IL16: variants seen among roughly 807,000 people sequenced by gnomAD.
IL16 encodes the protein interleukin 16, also known as pro-interleukin-16.
IL16 carries 67 observed loss-of-function variants against 110.1 expected under a neutral mutation model. That is an observed-to-expected ratio of 0.61 (90% CI 0.50 to 0.75). IL16 has a LOEUF of 0.75. Among genes scored for constraint, IL16 ranks in the 30% least tolerant of loss-of-function variants. The pLI is 0.00. For synonymous variants in IL16, 689 were observed against 662.9 expected (o/e 1.04, Z -0.61); for missense variants, 1,545 against 1,655.0 (o/e 0.93, Z 1.15).
At chr15:81,274,074 C>T (rs1449425617) in intron 6 of IL16, among the ~76,000 whole-genome samples, 2 of 152,170 alleles carry the variant, frequency 1.3e-5, no homozygotes, top group Non-Finnish European at 2.9e-5. Flanking sequence ...AAGGACTGGG[C>T]CATACACCAG....
chr15:81,192,837 AG>A (rs1262627375), upstream of IL16, among the ~76,000 whole-genome samples: 2 of 152,324 alleles, frequency 1.3e-5, no homozygotes, highest in East Asian at 3.9e-4. Context: ...AGAAGCGGAA[AG>A]AAAGTGGGAT....
chr15:81,290,827 A>G (rs1196270943), intron 11 of IL16, among the ~76,000 whole-genome samples: 1 of 152,172 alleles, frequency 6.6e-6, no homozygotes. Context: ...TTTATCCTGT[A>G]CCAAGTTGCC....
At chr15:81,305,864 G>C in intron 16 of IL16, 44 bp from the exon 17 acceptor site, 1 of 1,603,140 alleles carries the variant, frequency 6.2e-7, no homozygotes, top group African/African-American at 1.3e-5. Flanking sequence ...TATGTGGACT[G>C]GACTTGTGTG....
chr15:81,287,002 TG>T, intron 10 of IL16, among the ~76,000 whole-genome samples: 1 of 152,260 alleles, frequency 6.6e-6, no homozygotes, highest in South Asian at 2.1e-4. Context: ...GAGAACAGAA[TG>T]GGGGAAACTG....
intron 2 of IL16, among the ~76,000 whole-genome samples, chr15:81,226,773 A>G (rs1452737196): frequency 6.6e-6 from 1 of 152,216 alleles, no homozygotes. Flanking sequence ...AGGAGAAGCC[A>G]TCAGCCCAGT....
At chr15:81,204,045 G>T (rs1186243735) in intron 1 of IL16, among the ~76,000 whole-genome samples, 11 of 151,112 alleles carry the variant, frequency 7.3e-5, no homozygotes, top group African/African-American at 2.7e-4. Context: ...CACATCCCTT[G>T]TAAGTTGGAT....
At chr15:81,213,094 A>C (rs1436366509) in intron 1 of IL16, among the ~76,000 whole-genome samples, 1 of 152,132 alleles carries the variant, frequency 6.6e-6, no homozygotes, top group African/African-American at 2.4e-5. Flanking sequence ...CCCTATTTTC[A>C]TTAATTTAAA....
chr15:81,186,464 C>A (rs1219654094), intron 1 of IL16, among the ~76,000 whole-genome samples: 1 of 152,154 alleles, frequency 6.6e-6, no homozygotes, highest in East Asian at 1.9e-4. Context: ...TCTACATATC[C>A]ATACTGCTCA....
intron 3 of IL16, among the ~76,000 whole-genome samples, chr15:81,261,267 A>G (rs1280503424): frequency 1.3e-5 from 2 of 152,234 alleles, no homozygotes; most frequent in African/African-American, 4.8e-5. Context: ...GGATTCTTCA[A>G]TCACAGGGCC....
chr15:81,232,070 T>G (rs888901951), intron 2 of IL16, among the ~76,000 whole-genome samples: 1 of 142,296 alleles, frequency 7.0e-6, no homozygotes, highest in Non-Finnish European at 1.5e-5. Context: ...TTTTTTTCTT[T>G]TTTTTTTCAC....
At chr15:81,225,829 G>T in intron 2 of IL16, 118 bp downstream of exon 2, 1 of 1,027,120 alleles carries the variant, frequency 9.7e-7, no homozygotes. Context: ...AATTCTGAAA[G>T]AGAGCAAGAA....
Position 81,303,497 on chromosome 15 carries a change from T to C in IL16, c.3319-52T>C, listed in dbSNP as rs1900396942. On this transcript the variant is annotated intron_variant, in intron 15 of 18. Coordinates refer to ENST00000683961, the MANE Select transcript of IL16 (RefSeq NM_172217.5). This position sits in a 1 kb window ranked among gnomAD's most constrained non-coding sequence, Gnocchi z 4.1. ...GTCTGATGTCAGTCCGATGTTAAAT[T>C]GTTCATCCTCTTGCAGTAAAATGTT... 8.0e-7 allele frequency: 1 copy of C among 1,245,226 alleles called. No homozygotes were observed. The highest frequency in any genetic ancestry group is 1.5e-5 in the African/African-American group (1 of 67,912). The allele number at this position is 1,245,226 out of a possible 1,614,324, so 77.1% of individuals were successfully genotyped here.
At position 81,310,756 on chromosome 15, in the gene IL16, G is replaced by A. The variant is rs2141659898; in HGVS notation, c.*1958G>A. ...AGCCAAGGGATGAAAGAGAAGGTGG[G>A]TTTTCATCAAGACTGGAAGGTGGGG... On this transcript the variant is annotated 3_prime_UTR_variant, in exon 19 of 19. Coordinates refer to ENST00000683961, the MANE Select transcript of IL16 (RefSeq NM_172217.5). 6.6e-6 allele frequency: 1 copy of A among 152,350 alleles called. No homozygotes were observed. Among genetic ancestry groups the A allele is most frequent in the Middle Eastern group, 3.4e-3 (1 of 294 alleles). The allele number at this position is 152,350 out of a possible 1,614,324, so 9.4% of individuals were successfully genotyped here.
At chr15:81,187,895 C>T (rs552458390) in intron 1 of IL16, among the ~76,000 whole-genome samples, 3 of 152,206 alleles carry the variant, frequency 2.0e-5, no homozygotes, top group East Asian at 1.9e-4. Context: ...CAACAAGGTA[C>T]GGAGAGTGGT....
Position 81,311,755 on chromosome 15 carries a change from G to T in IL16, c.*2957G>T, listed in dbSNP as rs1900868412. ...TTGCCACAGAGCGGGGACTCGGTAAGCACTTAATGAATGAATGAATTCTAA... is the reference window on the plus strand; with the variant it reads ...TTGCCACAGAGCGGGGACTCGGTAATCACTTAATGAATGAATGAATTCTAA... On this transcript the variant is annotated 3_prime_UTR_variant, in exon 19 of 19. Coordinates refer to ENST00000683961, the MANE Select transcript of IL16 (RefSeq NM_172217.5). The T allele has an allele frequency of 6.6e-6, 1 of 152,228 alleles. No individual in the cohort carries two copies. The highest frequency in any genetic ancestry group is 2.4e-5 in the African/African-American group (1 of 41,448). 9.4% of individuals were successfully genotyped at this position (152,228 alleles called of 1,614,324 possible). A position where few individuals can be genotyped will look rare whatever the true frequency, so the allele number is the denominator to read the frequency against.
At chr15:81,233,508 C>G (rs1897083058) in intron 2 of IL16, among the ~76,000 whole-genome samples, 1 of 144,804 alleles carries the variant, frequency 6.9e-6, no homozygotes, top group Non-Finnish European at 1.5e-5. Flanking sequence ...TTGATTGATT[C>G]CTAGACTAAT....
At chr15:81,288,951 A>C (rs887379791) in intron 10 of IL16, among the ~76,000 whole-genome samples, 1 of 152,148 alleles carries the variant, frequency 6.6e-6, no homozygotes, top group Non-Finnish European at 1.5e-5. Context: ...CGTGGAGTAC[A>C]GATTCCTCTG....
chr15:81,285,656 A>G (rs755354048), intron 9 of IL16, 42 bp from the exon 10 acceptor site: 1 of 1,609,668 alleles, frequency 6.2e-7, no homozygotes, highest in Non-Finnish European at 8.5e-7. Flanking sequence ...CAAATGTCTC[A>G]TTGATTCACT....
chr15:81,227,518 C>T (rs1436221973), intron 2 of IL16, among the ~76,000 whole-genome samples: 6 of 152,020 alleles, frequency 3.9e-5, no homozygotes, highest in African/African-American at 1.4e-4. Context: ...CTAGGAGCAT[C>T]AAGGAGACCG....
Sources: allele counts gnomAD v4.1 joint callset (sites outside exome capture counted in the v4.1 genomes callset), GRCh38; gene constraint gnomAD v4.1.1; non-coding constraint Gnocchi (gnomAD v3.1); transcripts MANE v1.5; gene names NCBI Gene and HGNC (gene_info 2026-07-23, HGNC 2026-07-21).